Variants in PASK observed in about 807,000 individuals in gnomAD.
The protein encoded by PASK is PAS domain-containing serine/threonine-protein kinase.
PASK carries 110 observed loss-of-function variants against 121.0 expected under a neutral mutation model. The ratio of observed to expected loss-of-function variants is 0.91; its 90% confidence interval spans 0.78 to 1.06. The LOEUF (loss-of-function observed/expected upper bound fraction) is 1.06, where lower values mean the gene tolerates loss of function less well. Ranked by LOEUF, PASK falls within the 50% of genes least tolerant of loss-of-function variation. The pLI is 0.00. For synonymous variants in PASK, 686 were observed against 717.8 expected, an observed-to-expected ratio of 0.96 and a Z score of 0.71; for missense variants, 1,643 against 1,702.3, an observed-to-expected ratio of 0.97 and a Z score of 0.61.
intron 12 of PASK, among the ~76,000 whole-genome samples, chr2:241,121,345 A>G (rs2065599398): frequency 6.6e-6 from 1 of 152,248 alleles, no homozygotes. Context: ...TGTGAACTAT[A>G]TCTCAATACC....
chr2:241,124,497 G>A lies in PASK; in HGVS notation c.2720-364C>T, dbSNP rs78744094. On this transcript the variant is annotated intron_variant, in intron 10 of 17. Coordinates refer to ENST00000234040, the MANE Select transcript of PASK (RefSeq NM_015148.4). ...ATAGCCGGGAGAACCTGCACTCAAC[G>A]TGCCCTACACACGGTGGGTCTTCGG... 5.7e-3 allele frequency among the ~76,000 whole-genome samples: 871 copies of A among 152,344 alleles called. 6 individuals carry two copies. Among genetic ancestry groups the A allele is most frequent in the African/African-American group, 0.02 (848 of 41,572 alleles).
At chr2:241,123,723 C>A (rs558384784) in intron 11 of PASK, among the ~76,000 whole-genome samples, 2 of 151,322 alleles carry the variant, frequency 1.3e-5, no homozygotes, top group African/African-American at 2.4e-5. Context: ...GAGGCTGAGG[C>A]GGGCGAATCA....
At chr2:241,129,758 G>A (rs1559382093) in intron 9 of PASK, among the ~76,000 whole-genome samples, 1 of 152,224 alleles carries the variant, frequency 6.6e-6, no homozygotes, top group Non-Finnish European at 1.5e-5. Context: ...TGCAGTCAGG[G>A]CATGAAGGAT....
upstream of PASK, chr2:241,150,327 G>T: frequency 1.5e-6 from 2 of 1,323,114 alleles, no homozygotes; most frequent in East Asian, 3.1e-5. Flanking sequence ...CGCGGCGCGC[G>T]GCCTCATGAC....
chr2:241,108,128 G>A lies in PASK; in HGVS notation c.3667+39C>T, dbSNP rs751415889. 12 of 1,611,146 alleles carry A rather than the reference G, an allele frequency of 7.4e-6. 1 individual carries two copies. The South Asian group carries it at 1.3e-4, about 18-fold the overall frequency. Reference sequence around the variant, plus strand: ...GAAAAAAAAGTGGCTGGTCTCTAAGGACAGTGTCGACTGTCTACCACTTGC... The same window carrying A: ...GAAAAAAAAGTGGCTGGTCTCTAAGAACAGTGTCGACTGTCTACCACTTGC... On this transcript the variant is annotated intron_variant, in intron 16 of 17. Transcript: ENST00000234040. The surrounding 1 kb of genome is among the most constrained non-coding windows in gnomAD (Gnocchi z 5.2).
At chr2:241,149,968 CCG>C (rs1424003597), upstream of PASK, 1 of 1,423,350 alleles carries the variant, frequency 7.0e-7, no homozygotes, top group Non-Finnish European at 9.1e-7. Flanking sequence ...TGGGTAAAAT[CCG>C]CGCGGGGACG....
At position 241,149,396 on chromosome 2, in the gene PASK, C is replaced by G. The variant is rs998445428; in HGVS notation, c.-43+18G>C. The G allele has an allele frequency of 1.4e-5, 6 of 443,600 alleles. No homozygotes were observed. The highest frequency in any genetic ancestry group is 1.2e-4 in the African/African-American group (6 of 48,216). The allele number at this position is 443,600 out of a possible 1,614,324, so 27.5% of individuals were successfully genotyped here. ...GATGGCGGAGCCCGGCCCGCTCTCC[C>G]GAGCGCAGGTATCTCACCTGGATCA... On this transcript the variant is annotated intron_variant, in intron 1 of 17. Transcript: ENST00000234040.
intron 1 of PASK, among the ~76,000 whole-genome samples, chr2:241,148,466 G>C (rs550668041): frequency 3.4e-4 from 52 of 152,280 alleles, no homozygotes; most frequent in Middle Eastern, 3.4e-3. Context: ...CACCTGCAGA[G>C]CCGGGCCCTA....
rs1559396296 is a variant in PASK at position 241,138,792 on chromosome 2, C to T, written c.603G>A (p.Val201=). The change falls in exon 5 of 18, where the codon GTG becomes GTA. Residue 201 remains valine, a splice_region_variant and synonymous_variant. Coordinates refer to ENST00000234040, the MANE Select transcript of PASK (RefSeq NM_015148.4). ...GHAAVVFGTV[V]DIISRSGEKI... ...TCTCCCCACTACGGCTGATGATGTC[C>T]ACCTGTGGAAACAGACAGGTTCACA... The T allele has an allele frequency of 6.2e-7, 1 of 1,614,018 alleles. No individual in the cohort carries two copies.
rs559847360 is a variant in PASK at position 241,113,958 on chromosome 2, A to G, written c.3333+1085T>C. On this transcript the variant is annotated intron_variant, in intron 14 of 17. Coordinates refer to ENST00000234040, the MANE Select transcript of PASK (RefSeq NM_015148.4). ...TTTACATAGAATAACATTTATGTCTATATATTTACAAAAGGGGTAGAGATT... is the reference window on the plus strand; with the variant it reads ...TTTACATAGAATAACATTTATGTCTGTATATTTACAAAAGGGGTAGAGATT... The G allele has an allele frequency of 6.1e-6, 6 of 982,714 alleles. No individual in the cohort carries two copies. In the South Asian group the frequency reaches 2.8e-4, roughly 46 times the overall value. 60.9% of individuals were successfully genotyped at this position (982,714 alleles called of 1,614,324 possible).
Position 241,106,219 on chromosome 2 carries a change from G to A in PASK, c.*347C>T, listed in dbSNP as rs775005451. On this transcript the variant is annotated 3_prime_UTR_variant, in exon 18 of 18. Coordinates refer to ENST00000234040, the MANE Select transcript of PASK (RefSeq NM_015148.4). ...TTTCACATATCCGTCACTCAGATGA[G>A]CATATACCAAGTCAGAGGAAACAAA... 18 of 344,796 alleles carry A rather than the reference G, an allele frequency of 5.2e-5. No individual in the cohort carries two copies. The highest frequency in any genetic ancestry group is 9.2e-5 in the Non-Finnish European group (17 of 183,884). 21.4% of individuals were successfully genotyped at this position (344,796 alleles called of 1,614,324 possible).
chr2:241,143,189 C>T (rs759771521), intron 1 of PASK, 115 bp from the exon 2 acceptor site: 16 of 685,556 alleles, frequency 2.3e-5, no homozygotes, highest in African/African-American at 5.3e-5. Context: ...ACACCACCAA[C>T]CGCCATCCTG....
Position 241,124,120 on chromosome 2 carries a change from C to G in PASK, c.2733G>C (p.Glu911Asp). The G allele has an allele frequency of 6.2e-7, 1 of 1,613,984 alleles. No homozygotes were observed. The highest frequency in any genetic ancestry group is 8.5e-7 in the Non-Finnish European group (1 of 1,179,964). ...RDGLRLSIQF[E>D]VRRVELQGPT... ...GGCCCTGGAGCTCCACCCGCCTCACCTCAAACTGTATACCTGAAGGGTGAG... is the reference window on the plus strand; with the variant it reads ...GGCCCTGGAGCTCCACCCGCCTCACGTCAAACTGTATACCTGAAGGGTGAG... Residue 911 changes from glutamate to aspartate, a missense_variant, in exon 11 of 18, where the codon GAG becomes GAC. Glu to Asp is a conservative substitution (Grantham distance 45, BLOSUM62 2). This residue lies in a region of PASK where 14 missense variants were observed against 28.9 expected (regional missense o/e 0.48). Transcript: ENST00000234040.
chr2:241,123,245 G>T (rs73011824), intron 11 of PASK, among the ~76,000 whole-genome samples: 9 of 149,632 alleles, frequency 6.0e-5, no homozygotes, highest in Admixed American at 5.3e-4. Flanking sequence ...GCGCAATCTC[G>T]GCTCACTGCA....
At chr2:241,119,756 C>T (rs554409788) in intron 12 of PASK, among the ~76,000 whole-genome samples, 9 of 152,154 alleles carry the variant, frequency 5.9e-5, no homozygotes, top group Admixed American at 2.0e-4. Flanking sequence ...AGGCATGAGC[C>T]ACCGCGCCCG....
rs761641861 is a variant in PASK, at chr2:241,133,010, G to A, written c.1327C>T (p.Leu443Phe). ...CGGGGCACAACGTGGCCACCAGCAA[G>A]CACGACATTAATCCTTGGATCTGGC... ...GGQDPRINVV[L>F]AGGHVVPRDE... Residue 443 changes from leucine to phenylalanine, a missense_variant, in exon 9 of 18, where the codon CTT becomes TTT. Leu to Phe is a conservative substitution (Grantham distance 22). Around this residue, in one of 3 missense-constraint regions of PASK, gnomAD observed 1,176 missense variants for 1,162.2 expected, o/e 1.01. Coordinates refer to ENST00000234040, the MANE Select transcript of PASK (RefSeq NM_015148.4). The A allele has an allele frequency of 6.2e-7, 1 of 1,614,138 alleles. No homozygotes were observed. The highest frequency in any genetic ancestry group is 8.5e-7 in the Non-Finnish European group (1 of 1,180,014).
chr2:241,122,980 T>C, intron 11 of PASK, 81 bp from the exon 12 acceptor site: 3 of 1,405,606 alleles, frequency 2.1e-6, no homozygotes, highest in South Asian at 1.3e-5. Context: ...TCCCCCTGCG[T>C]CTTCAGCAGC....
intron 10 of PASK, among the ~76,000 whole-genome samples, chr2:241,125,233 G>A (rs1332228232): frequency 4.0e-5 from 6 of 151,898 alleles, no homozygotes; most frequent in Admixed American, 1.3e-4. Context: ...CCCAGGAGGC[G>A]GAGGTTGCAG....
chr2:241,149,714 T>G (rs1205024618), upstream of PASK: 3 of 1,550,368 alleles, frequency 1.9e-6, no homozygotes. Context: ...AATGGGTGAG[T>G]AGCGCAGAGC....
Sources: allele counts gnomAD v4.1 joint callset (sites outside exome capture counted in the v4.1 genomes callset), GRCh38; gene constraint gnomAD v4.1.1; regional missense constraint gnomAD v4.1.1; non-coding constraint Gnocchi (gnomAD v3.1); transcripts MANE v1.5; gene names NCBI Gene and HGNC (gene_info 2026-07-23, HGNC 2026-07-21).